The following GRIA2 variants were observed in gnomAD, a reference collection of about 807,000 sequenced individuals.
GRIA2 encodes glutamate ionotropic receptor AMPA type subunit 2.
A neutral mutation model predicts 97.3 loss-of-function variants in GRIA2; 14 were observed. The observed-to-expected ratio is 0.14, with a 90% CI of 0.10 to 0.23. GRIA2 has a LOEUF of 0.23. Ranked by LOEUF, GRIA2 falls within the 10% of genes least tolerant of loss-of-function variation. The pLI is 1.00. For missense variants in GRIA2, 558 were observed against 1,069.8 expected, an observed-to-expected ratio of 0.52 and a Z score of 6.67; for synonymous variants, 412 against 387.8, an observed-to-expected ratio of 1.06 and a Z score of -0.73.
intron 2 of GRIA2, among the ~76,000 whole-genome samples, chr4:157,302,114 A>G (rs994735420): frequency 1.3e-5 from 2 of 150,308 alleles, no homozygotes; most frequent in Non-Finnish European, 3.0e-5. Flanking sequence ...CGGAGGTTGC[A>G]GTGAGGTGAG....
chr4:157,316,631 A>C (rs1734335010), intron 4 of GRIA2, among the ~76,000 whole-genome samples: 1 of 152,130 alleles, frequency 6.6e-6, no homozygotes, highest in Admixed American at 6.6e-5. Context: ...CCCTGTGAAC[A>C]AAAAAACCTA....
Position 157,359,822 on chromosome 4 carries a change from CCT to C in GRIA2, c.2044-71_2044-70del, listed in dbSNP as rs565280211. 118 of 1,318,016 alleles carry C rather than the reference CCT, an allele frequency of 9.0e-5. No homozygotes were observed. In the African/African-American group the frequency reaches 1.6e-3, roughly 18 times the overall value. 81.6% of individuals were successfully genotyped at this position (1,318,016 alleles called of 1,614,324 possible). A position where few individuals can be genotyped will look rare whatever the true frequency, so the allele number is the denominator to read the frequency against. On this transcript the variant is annotated intron_variant, in intron 12 of 15. Transcript: ENST00000264426. The stretch of plus-strand genomic sequence containing the variant: ...ATCATCTATGTTTTGAAAAGTAATA[CCT>C]CTTTTTGTGTTTTGTGAGTAATTTT...
chr4:157,363,671 T>G lies in GRIA2; in HGVS notation c.*240T>G. The G allele has an allele frequency of 1.2e-6, 1 of 812,430 alleles. No homozygotes were observed. Among genetic ancestry groups the G allele is most frequent in the Non-Finnish European group, 1.7e-6 (1 of 603,254 alleles). The allele number at this position is 812,430 out of a possible 1,614,324, so 50.3% of individuals were successfully genotyped here. A position where few individuals can be genotyped will look rare whatever the true frequency, so the allele number is the denominator to read the frequency against. On this transcript the variant is annotated 3_prime_UTR_variant, in exon 16 of 16. Transcript: ENST00000264426. ...TTTATTGTCAAAGTGGTGAGAGGCA[T>G]CCAGTATCTTGAAGACTTTTCTTTC...
intron 2 of GRIA2, among the ~76,000 whole-genome samples, chr4:157,280,633 G>A (rs539175211): frequency 7.9e-5 from 12 of 152,020 alleles, no homozygotes; most frequent in African/African-American, 2.9e-4. Flanking sequence ...TCGTGTGTGC[G>A]TGCATGTATA....
chr4:157,336,139 G>A (rs1735274634), intron 10 of GRIA2, among the ~76,000 whole-genome samples: 1 of 152,020 alleles, frequency 6.6e-6, no homozygotes, highest in Non-Finnish European at 1.5e-5. Flanking sequence ...ATGCATGGAT[G>A]CAGTGCAGAT....
chr4:157,221,504 AG>A (rs1404304283), intron 1 of GRIA2, 162 bp from the exon 2 acceptor site: 2 of 709,002 alleles, frequency 2.8e-6, no homozygotes, highest in African/African-American at 1.8e-5. Flanking sequence ...CCCCTTGGCT[AG>A]CTTTTGGATA....
Position 157,309,025 on chromosome 4 carries a change from G to C in GRIA2, c.470-3654G>C, listed in dbSNP as rs80197704. On this transcript the variant is annotated intron_variant, in intron 3 of 15. Transcript: ENST00000264426. ...ACTATTACTGAAAAAAAACCACCTA[G>C]GGAAATGGGTTATTAAGCATTGAAT... Among the ~76,000 whole-genome samples the C allele has an allele frequency of 9.3e-3, 1,420 of 152,190 alleles. 18 individuals are homozygous for C. Among genetic ancestry groups the C allele is most frequent in the African/African-American group, 0.031 (1,288 of 41,524 alleles).
intron 6 of GRIA2, among the ~76,000 whole-genome samples, chr4:157,325,601 C>T (rs563201193): frequency 6.6e-6 from 1 of 152,284 alleles, no homozygotes; most frequent in Admixed American, 6.5e-5. Context: ...CAAAACTAAA[C>T]TTATGATTTT....
chr4:157,299,901 T>C (rs866486528), intron 2 of GRIA2, among the ~76,000 whole-genome samples: 1 of 152,196 alleles, frequency 6.6e-6, no homozygotes, highest in African/African-American at 2.4e-5. Flanking sequence ...AGGACTATCA[T>C]TGAGAAACTT....
intron 2 of GRIA2, among the ~76,000 whole-genome samples, chr4:157,279,999 C>T (rs1475724553): frequency 2.0e-5 from 3 of 152,008 alleles, no homozygotes; most frequent in Non-Finnish European, 2.9e-5. Flanking sequence ...GTGGTGTGCA[C>T]CTGTAGTCCC....
At chr4:157,334,253 T>C (rs1240632304) in intron 9 of GRIA2, 133 bp downstream of exon 9, 3 of 607,714 alleles carry the variant, frequency 4.9e-6, no homozygotes, top group South Asian at 1.9e-5. Context: ...TTATTTCATA[T>C]TTACTCTGTT....
At chr4:157,278,990 C>T (rs1196297295) in intron 2 of GRIA2, among the ~76,000 whole-genome samples, 2 of 152,066 alleles carry the variant, frequency 1.3e-5, no homozygotes, top group Non-Finnish European at 2.9e-5. Context: ...AATAGAAACT[C>T]CCATTTATTG....
Position 157,334,023 on chromosome 4 carries a change from G to A in GRIA2, c.1169G>A (p.Ser390Asn), listed in dbSNP as rs754036287. Residue 390 changes from serine (S) to asparagine (N), a missense_variant, in exon 9 of 16, where the codon AGT (serine) becomes AAT (asparagine). Around this residue, in one of 8 missense-constraint regions of GRIA2, gnomAD observed 66 missense variants for 118.7 expected, o/e 0.56. Transcript: ENST00000264426. ...AACCTTTTCCAGATTGGCTACTGGA[G>A]TGAAGTGGACAAAATGGTTGTTACC... ...TNGPRKIGYW[S>N]EVDKMVVTLT... is the part of the protein sequence containing the mutation. The A allele has an allele frequency of 2.6e-5, 41 of 1,590,812 alleles. No homozygotes were observed. In the South Asian group the frequency reaches 4.2e-4, roughly 16 times the overall value.
chr4:157,349,685 G>A (rs1405863790), intron 12 of GRIA2, among the ~76,000 whole-genome samples: 1 of 152,002 alleles, frequency 6.6e-6, no homozygotes, highest in African/African-American at 2.4e-5. Flanking sequence ...TAATGAAAAA[G>A]AATATCATAG....
intron 2 of GRIA2, among the ~76,000 whole-genome samples, chr4:157,229,269 G>GT (rs1208774478): frequency 2.0e-5 from 3 of 152,114 alleles, no homozygotes; most frequent in Non-Finnish European, 1.5e-5. Context: ...TAACGATTTT[G>GT]TTTTGTCTTA....
chr4:157,296,363 C>T (rs1490488768), intron 2 of GRIA2, among the ~76,000 whole-genome samples: 2 of 151,836 alleles, frequency 1.3e-5, no homozygotes, highest in African/African-American at 2.4e-5. Context: ...TCATAAGAAC[C>T]CGTTTTATGT....
intron 12 of GRIA2, among the ~76,000 whole-genome samples, chr4:157,349,070 G>C (rs954555624): frequency 6.6e-6 from 1 of 152,114 alleles, no homozygotes; most frequent in Admixed American, 6.5e-5. Context: ...ACTATTGATG[G>C]AACAACTTTG....
intron 2 of GRIA2, among the ~76,000 whole-genome samples, chr4:157,228,856 A>C (rs11735472): frequency 1.7e-3 from 262 of 149,948 alleles, no homozygotes; most frequent in South Asian, 8.0e-3. Context: ...CCAAAAAAAA[A>C]CCCAAAAGCA....
chr4:157,318,196 AATTG>A (rs1261058001), intron 5 of GRIA2, among the ~76,000 whole-genome samples: 1 of 152,078 alleles, frequency 6.6e-6, no homozygotes, highest in East Asian at 1.9e-4. Flanking sequence ...TTTAAAGTTT[AATTG>A]TCCACATATT....
Sources: allele counts gnomAD v4.1 joint callset (sites outside exome capture counted in the v4.1 genomes callset), GRCh38; gene constraint gnomAD v4.1.1; regional missense constraint gnomAD v4.1.1; transcripts MANE v1.5; gene names NCBI Gene and HGNC (gene_info 2026-07-23, HGNC 2026-07-21).